BLTP3B: variants seen among roughly 807,000 people sequenced by gnomAD.
BLTP3B encodes the protein UHRF1 (ICBP90) binding protein 1-like.
At chr12:100,086,769 A>G in the BLTP3B span, among the ~76,000 whole-genome samples, 5 of 152,206 alleles carry the variant, frequency 3.3e-5, no homozygotes, top group Non-Finnish European at 7.3e-5. Context: ...AAACTGAGGC[A>G]CAAAGAGGCC....
At chr12:100,038,543 T>G in the BLTP3B span, among the ~76,000 whole-genome samples, 1 of 152,096 alleles carries the variant, frequency 6.6e-6, no homozygotes, top group Non-Finnish European at 1.5e-5. Context: ...TCCATGTTGG[T>G]CAAGCTGGTC....
the BLTP3B span, among the ~76,000 whole-genome samples, chr12:100,079,428 C>T: frequency 8.5e-5 from 13 of 152,226 alleles, no homozygotes; most frequent in East Asian, 3.9e-4. Flanking sequence ...TTTTAGCAGA[C>T]GGGCAGCATT....
At chr12:100,059,362 T>C in the BLTP3B span, 2 of 1,614,030 alleles carry the variant, frequency 1.2e-6, no homozygotes, top group Non-Finnish European at 8.5e-7. Flanking sequence ...CTGGTATATG[T>C]TTTACTAAAA....
the BLTP3B span, chr12:100,128,699 A>T: frequency 7.8e-7 from 1 of 1,288,650 alleles, no homozygotes; most frequent in Non-Finnish European, 1.0e-6. Context: ...ACAGCACACC[A>T]ATCTCCACCA....
At chr12:100,040,527 A>G in the BLTP3B span, among the ~76,000 whole-genome samples, 1 of 152,184 alleles carries the variant, frequency 6.6e-6, no homozygotes, top group Non-Finnish European at 1.5e-5. Flanking sequence ...CTAAAGATAC[A>G]AAAATTAACC....
chr12:100,073,583 A>G, the BLTP3B span, among the ~76,000 whole-genome samples: 4 of 150,878 alleles, frequency 2.7e-5, no homozygotes, highest in African/African-American at 4.9e-5. Flanking sequence ...ATGTGTGTGT[A>G]TATATATATA....
the BLTP3B span, chr12:100,037,409 A>G: frequency 8.0e-7 from 1 of 1,257,444 alleles, no homozygotes; most frequent in Admixed American, 4.5e-5. Context: ...AGATCACAAC[A>G]GCTTAAAAGA....
At chr12:100,052,795 T>G in the BLTP3B span, among the ~76,000 whole-genome samples, 34 of 143,910 alleles carry the variant, frequency 2.4e-4, no homozygotes, top group African/African-American at 8.0e-4. Context: ...TTTCTGTTTT[T>G]TTTTTTTTTT....
the BLTP3B span, chr12:100,057,926 T>C: frequency 8.8e-6 from 12 of 1,370,912 alleles, no homozygotes; most frequent in Non-Finnish European, 1.2e-5. Flanking sequence ...AACAATGCCA[T>C]ATTTTGTCAT....
At chr12:100,105,208 T>C in the BLTP3B span, among the ~76,000 whole-genome samples, 1,172 of 152,090 alleles carry the variant, frequency 7.7e-3, 13 homozygotes, top group African/African-American at 0.027. Flanking sequence ...AGAACAAAAC[T>C]GGAGGCATCA....
chr12:100,095,618 A>G, the BLTP3B span: 13 of 1,564,388 alleles, frequency 8.3e-6, no homozygotes, highest in African/African-American at 1.3e-4. Flanking sequence ...TAATTTTTAA[A>G]CTATTTTCAT....
the BLTP3B span, among the ~76,000 whole-genome samples, chr12:100,118,320 A>C: frequency 6.6e-6 from 1 of 152,216 alleles, no homozygotes; most frequent in African/African-American, 2.4e-5. Context: ...TAAGCCCAGG[A>C]GGTTGAGGCT....
chr12:100,136,775 T>C, the BLTP3B span, among the ~76,000 whole-genome samples: 1 of 152,158 alleles, frequency 6.6e-6, no homozygotes, highest in Non-Finnish European at 1.5e-5. Flanking sequence ...CTCACTTCTA[T>C]GGCCATATCA....
chr12:100,058,737 G>C, the BLTP3B span: 1 of 1,613,772 alleles, frequency 6.2e-7, no homozygotes, highest in Non-Finnish European at 8.5e-7. Flanking sequence ...GCCAGTTACA[G>C]CTTCTACATC....
chr12:100,040,937 A>G, the BLTP3B span, among the ~76,000 whole-genome samples: 10,417 of 152,264 alleles, frequency 0.068, 388 homozygotes, highest in South Asian at 0.089. Flanking sequence ...AAAAAACAAA[A>G]GGAGCATTCC....
chr12:100,078,546 G>A, the BLTP3B span, among the ~76,000 whole-genome samples: 19 of 152,134 alleles, frequency 1.2e-4, no homozygotes, highest in Non-Finnish European at 2.2e-4. Context: ...GCCTAGTTGC[G>A]TTAAGAGGGT....
the BLTP3B span, among the ~76,000 whole-genome samples, chr12:100,062,271 T>C: frequency 2.6e-5 from 4 of 152,254 alleles, no homozygotes; most frequent in Non-Finnish European, 5.9e-5. Context: ...TATCTAAAAC[T>C]GCAAGCGTAC....
the BLTP3B span, among the ~76,000 whole-genome samples, chr12:100,094,947 GA>G: frequency 2.6e-5 from 4 of 152,160 alleles, no homozygotes; most frequent in African/African-American, 9.7e-5. Context: ...TGTTTCCAAG[GA>G]AATAGCTTCG....
the BLTP3B span, among the ~76,000 whole-genome samples, chr12:100,105,074 T>C: frequency 1.3e-5 from 2 of 152,100 alleles, no homozygotes; most frequent in African/African-American, 4.8e-5. Flanking sequence ...CAAAGCAATC[T>C]ACAAATTCAA....
Sources: allele counts gnomAD v4.1 joint callset (sites outside exome capture counted in the v4.1 genomes callset), GRCh38; gene constraint gnomAD v4.1.1; transcripts MANE v1.5; gene names NCBI Gene and HGNC (gene_info 2026-07-23, HGNC 2026-07-21).